DLG2: variants seen among roughly 807,000 people sequenced by gnomAD.
DLG2 encodes the protein disks large homolog 2.
A neutral mutation model predicts 132.5 loss-of-function variants in DLG2; 45 were observed. The ratio of observed to expected loss-of-function variants is 0.34; its 90% CI spans 0.27 to 0.44. The LOEUF is 0.44. Among genes scored for constraint, DLG2 ranks in the 20% least tolerant of loss-of-function variants. The pLI, the probability that DLG2 is intolerant of heterozygous loss-of-function variation, is 1.00. For synonymous variants in DLG2, 424 were observed against 419.6 expected, an observed-to-expected ratio of 1.01 and a Z score of -0.13; for missense variants, 1,045 against 1,196.9, an observed-to-expected ratio of 0.87 and a Z score of 1.87.
intron 9 of DLG2, among the ~76,000 whole-genome samples, chr11:84,114,537 TTAA>T (rs1184621198): frequency 6.6e-6 from 1 of 152,172 alleles, no homozygotes; most frequent in Non-Finnish European, 1.5e-5. Flanking sequence ...GCTTATCAAA[TTAA>T]TAATACTATT....
At chr11:84,460,863 G>A (rs932403702) in intron 7 of DLG2, among the ~76,000 whole-genome samples, 1 of 150,802 alleles carries the variant, frequency 6.6e-6, no homozygotes, top group South Asian at 2.1e-4. Context: ...AGCTGATCAA[G>A]TAAAGCAGTT....
At chr11:85,096,735 G>T (rs1295185336) in intron 6 of DLG2, among the ~76,000 whole-genome samples, 2 of 152,104 alleles carry the variant, frequency 1.3e-5, no homozygotes, top group African/African-American at 4.8e-5. Context: ...CAAGCGATGA[G>T]TACCATCAGA....
chr11:83,829,079 C>T (rs952452077), intron 17 of DLG2, among the ~76,000 whole-genome samples: 5 of 152,162 alleles, frequency 3.3e-5, no homozygotes, highest in African/African-American at 9.7e-5. Context: ...ACATATCCTC[C>T]AGATCCCTTC....
At chr11:83,951,873 T>G (rs912532748) in intron 14 of DLG2, among the ~76,000 whole-genome samples, 4 of 152,106 alleles carry the variant, frequency 2.6e-5, no homozygotes, top group Admixed American at 1.3e-4. Context: ...ATAGATGATA[T>G]GAATTGACTA....
intron 6 of DLG2, among the ~76,000 whole-genome samples, chr11:84,921,790 T>C (rs756673593): frequency 1.3e-5 from 2 of 152,218 alleles, no homozygotes; most frequent in Admixed American, 6.5e-5. Context: ...CAGAAGATGA[T>C]AATAGAGAAA....
intron 7 of DLG2, among the ~76,000 whole-genome samples, chr11:84,345,745 T>G (rs1246574864): frequency 6.6e-6 from 1 of 152,190 alleles, no homozygotes; most frequent in East Asian, 1.9e-4. Flanking sequence ...GTTAGCAAAT[T>G]GCAACTTGTA....
At chr11:85,065,961 C>A (rs953379303) in intron 6 of DLG2, among the ~76,000 whole-genome samples, 3 of 151,344 alleles carry the variant, frequency 2.0e-5, no homozygotes, top group African/African-American at 7.3e-5. Context: ...GAATAAAGAT[C>A]AGAGCAGAAC....
intron 7 of DLG2, chr11:84,273,228 C>A: frequency 6.4e-7 from 1 of 1,561,556 alleles, no homozygotes; most frequent in Non-Finnish European, 8.7e-7. Context: ...TGATAATTCT[C>A]AGCCCGAGAA....
At position 85,096,417 on chromosome 11, in the gene DLG2, G is replaced by A. The variant is rs1055901207; in HGVS notation, c.357+15244C>T. Among the ~76,000 whole-genome samples, 15 of 151,146 alleles carry A rather than the reference G, an allele frequency of 9.9e-5. No homozygotes were observed. In the South Asian group the frequency reaches 1.5e-3, roughly 15 times the overall value. ...GGGAGGAACAAACAACTCCAGACGCGCCACCTTTAAGAGCTGTAACACTCA... is the reference window on the plus strand; with the variant it reads ...GGGAGGAACAAACAACTCCAGACGCACCACCTTTAAGAGCTGTAACACTCA... On this transcript the variant is annotated intron_variant, in intron 6 of 27. Transcript: ENST00000376104.
intron 21 of DLG2, among the ~76,000 whole-genome samples, chr11:83,511,751 C>G (rs144411804): frequency 6.8e-6 from 1 of 147,518 alleles, no homozygotes; most frequent in Non-Finnish European, 1.5e-5. Context: ...TTTTAAAGAG[C>G]CAGGGTCTCA....
chr11:85,162,121 G>A (rs1200376755), intron 4 of DLG2, among the ~76,000 whole-genome samples: 1 of 152,170 alleles, frequency 6.6e-6, no homozygotes, highest in African/African-American at 2.4e-5. Flanking sequence ...TAAGTCAACA[G>A]GCTAAGAAGG....
At chr11:85,533,787 C>T (rs114210732) in intron 3 of DLG2, among the ~76,000 whole-genome samples, 171 of 152,224 alleles carry the variant, frequency 1.1e-3, no homozygotes, top group African/African-American at 3.8e-3. Context: ...TTCAGCGCTA[C>T]GCCTGAGAGA....
At chr11:84,351,506 T>C (rs1366093802) in intron 7 of DLG2, among the ~76,000 whole-genome samples, 1 of 152,218 alleles carries the variant, frequency 6.6e-6, no homozygotes, top group African/African-American at 2.4e-5. Context: ...TTAATCTCTC[T>C]GAACTTTATG....
chr11:85,273,247 G>C (rs547409652), intron 4 of DLG2, among the ~76,000 whole-genome samples: 5 of 152,186 alleles, frequency 3.3e-5, no homozygotes, highest in Admixed American at 6.5e-5. Flanking sequence ...AGCCAAAATT[G>C]ACAAATGGGA....
At chr11:84,658,722 C>T (rs1055141163) in intron 6 of DLG2, among the ~76,000 whole-genome samples, 1 of 152,102 alleles carries the variant, frequency 6.6e-6, no homozygotes, top group Non-Finnish European at 1.5e-5. Context: ...GTGACACACC[C>T]ACTCCTCTTT....
chr11:85,117,045 A>C (rs1259183783), intron 5 of DLG2, among the ~76,000 whole-genome samples: 1 of 152,004 alleles, frequency 6.6e-6, no homozygotes, highest in Non-Finnish European at 1.5e-5. Context: ...TAACGTGGCA[A>C]ATTGGTTCTT....
Position 84,079,606 on chromosome 11 carries a change from A to G in DLG2, c.749+19317T>C, listed in dbSNP as rs192661169. 9.2e-5 allele frequency among the ~76,000 whole-genome samples: 14 copies of G among 152,332 alleles called. No homozygotes were observed. The East Asian group carries it at 2.7e-3, about 29-fold the overall frequency. The stretch of plus-strand genomic sequence containing the variant: ...CCCTACAACAGCTTCTTAGACTGCT[A>G]TAACTGCAGGCACTCTTATCAGCTA... On this transcript the variant is annotated intron_variant, in intron 10 of 27. Coordinates refer to ENST00000376104, the MANE Select transcript of DLG2 (RefSeq NM_001142699.3).
At chr11:83,742,047 G>A (rs923385807) in intron 18 of DLG2, among the ~76,000 whole-genome samples, 2 of 152,126 alleles carry the variant, frequency 1.3e-5, no homozygotes, top group Non-Finnish European at 2.9e-5. Flanking sequence ...TTGGGCACAA[G>A]GAGTATGTGC....
chr11:83,489,228 T>C (rs918277979), intron 21 of DLG2, among the ~76,000 whole-genome samples: 2 of 152,012 alleles, frequency 1.3e-5, no homozygotes, highest in Admixed American at 1.3e-4. Context: ...AACCTCTGGA[T>C]TGAACTACCA....
Sources: allele counts gnomAD v4.1 joint callset (sites outside exome capture counted in the v4.1 genomes callset), GRCh38; gene constraint gnomAD v4.1.1; transcripts MANE v1.5; gene names NCBI Gene and HGNC (gene_info 2026-07-23, HGNC 2026-07-21).